Variants in BARX2 observed in about 807,000 individuals in gnomAD.
The protein encoded by BARX2 is BARX homeobox 2, also known as homeobox protein BarH-like 2.
BARX2 carries 11 observed loss-of-function variants against 25.5 expected under a neutral mutation model. The ratio of observed to expected loss-of-function variants is 0.43; its 90% CI spans 0.27 to 0.71. The LOEUF is 0.71. Among genes scored for constraint, BARX2 ranks in the 30% least tolerant of loss-of-function variants. The probability of loss-of-function intolerance (pLI) is 0.19; values close to 1 mark genes in which losing one functional copy is unlikely to be tolerated. For synonymous variants in BARX2, 137 were observed against 149.5 expected, an observed-to-expected ratio of 0.92 and a Z score of 0.61; for missense variants, 360 against 359.9, an observed-to-expected ratio of 1.00 and a Z score of 0.00.
chr11:129,428,907 G>C (rs1000387439), intron 1 of BARX2, among the ~76,000 whole-genome samples: 1 of 152,140 alleles, frequency 6.6e-6, no homozygotes, highest in Non-Finnish European at 1.5e-5. Flanking sequence ...TACACTCTTA[G>C]AGCGGAATTT....
chr11:129,388,069 G>C (rs1423845903), intron 1 of BARX2, among the ~76,000 whole-genome samples: 2 of 149,446 alleles, frequency 1.3e-5, no homozygotes, highest in Admixed American at 6.8e-5. Context: ...GAACATGTCT[G>C]TCTCATTACA....
chr11:129,411,231 C>T (rs1425054179), intron 1 of BARX2, among the ~76,000 whole-genome samples: 3 of 152,072 alleles, frequency 2.0e-5, no homozygotes, highest in Non-Finnish European at 4.4e-5. Flanking sequence ...ATTAGCCGGG[C>T]GTGGTGGCAG....
intron 1 of BARX2, among the ~76,000 whole-genome samples, chr11:129,433,567 C>G (rs919744779): frequency 6.6e-6 from 1 of 152,216 alleles, no homozygotes; most frequent in African/African-American, 2.4e-5. Context: ...GACTTCTGCC[C>G]TTGCCTACTC....
At chr11:129,383,700 A>C (rs1591425902) in intron 1 of BARX2, among the ~76,000 whole-genome samples, 1 of 152,190 alleles carries the variant, frequency 6.6e-6, no homozygotes, top group South Asian at 2.1e-4. Flanking sequence ...TCAAAAGACG[A>C]CTGAAGAGAA....
At chr11:129,437,850 G>T (rs1230171624) in intron 2 of BARX2, 2 of 151,974 alleles carry the variant, frequency 1.3e-5, no homozygotes, top group African/African-American at 4.8e-5. Flanking sequence ...AACGTTGTGA[G>T]ACCCCGTCTC....
chr11:129,398,433 C>T (rs1861743943), intron 1 of BARX2, among the ~76,000 whole-genome samples: 1 of 152,168 alleles, frequency 6.6e-6, no homozygotes, highest in Non-Finnish European at 1.5e-5. Context: ...ACAGAGATAT[C>T]ATGCTAATTG....
chr11:129,449,620 G>T (rs1163720827), intron 3 of BARX2, among the ~76,000 whole-genome samples: 1 of 152,134 alleles, frequency 6.6e-6, no homozygotes, highest in Non-Finnish European at 1.5e-5. Flanking sequence ...TGGGACTCTT[G>T]TGTGGGTCAC....
At chr11:129,408,544 G>C (rs1457031696) in intron 1 of BARX2, among the ~76,000 whole-genome samples, 1 of 152,108 alleles carries the variant, frequency 6.6e-6, no homozygotes, top group Non-Finnish European at 1.5e-5. Context: ...CCTCTTTGCT[G>C]TTCCTAGAAC....
In BARX2 at chr11:129,451,387, C is replaced by A; in HGVS notation, c.825C>A (p.Pro275=). The change falls in exon 4 of 4, where the codon CCC becomes CCA. Residue 275 remains proline (P), a synonymous_variant. Transcript: ENST00000281437. The part of the protein sequence containing the change: ...PQELPIPSSE[P]PPLS Reference sequence around the variant, plus strand: ...AGTTGCCAATACCCTCTTCGGAACCCCCACCATTAAGCTAAAGTAAAACCC... The same window carrying A: ...AGTTGCCAATACCCTCTTCGGAACCACCACCATTAAGCTAAAGTAAAACCC... 1 of 1,613,440 alleles carries A rather than the reference C, an allele frequency of 6.2e-7. No homozygotes were observed. The highest frequency in any genetic ancestry group is 8.5e-7 in the Non-Finnish European group (1 of 1,179,456).
intron 1 of BARX2, among the ~76,000 whole-genome samples, chr11:129,383,283 C>T (rs1449401098): frequency 6.6e-6 from 1 of 152,172 alleles, no homozygotes; most frequent in Non-Finnish European, 1.5e-5. Flanking sequence ...TCTAATTACT[C>T]ATCATCACCA....
At chr11:129,391,103 G>A (rs1322707316) in intron 1 of BARX2, among the ~76,000 whole-genome samples, 1 of 152,094 alleles carries the variant, frequency 6.6e-6, no homozygotes, top group African/African-American at 2.4e-5. Flanking sequence ...CTGCTTTTCG[G>A]GAGGGACTCC....
intron 1 of BARX2, among the ~76,000 whole-genome samples, chr11:129,389,224 A>G (rs990288259): frequency 2.0e-5 from 3 of 152,246 alleles, no homozygotes; most frequent in Non-Finnish European, 1.5e-5. Context: ...ATTAAAAATA[A>G]TTATCTTACA....
intron 2 of BARX2, among the ~76,000 whole-genome samples, chr11:129,440,293 G>C (rs1862241609): frequency 6.6e-6 from 1 of 152,234 alleles, no homozygotes; most frequent in African/African-American, 2.4e-5. Context: ...TTTCCCAAGT[G>C]AGCTAACACT....
At chr11:129,399,790 A>C (rs1332458418) in intron 1 of BARX2, among the ~76,000 whole-genome samples, 2 of 152,174 alleles carry the variant, frequency 1.3e-5, no homozygotes, top group Non-Finnish European at 2.9e-5. Flanking sequence ...GTAGTAACTT[A>C]CAAGTCATTG....
At chr11:129,447,658 G>A (rs1437064191) in intron 3 of BARX2, among the ~76,000 whole-genome samples, 1 of 152,144 alleles carries the variant, frequency 6.6e-6, no homozygotes, top group African/African-American at 2.4e-5. Context: ...TTTAGAAAAT[G>A]GTCTAATTGT....
chr11:129,398,104 T>A (rs1443091874), intron 1 of BARX2, among the ~76,000 whole-genome samples: 1 of 152,248 alleles, frequency 6.6e-6, no homozygotes, highest in East Asian at 1.9e-4. Context: ...TGAACCTGTG[T>A]AAACTCAACC....
intron 1 of BARX2, among the ~76,000 whole-genome samples, chr11:129,421,071 C>T (rs907883247): frequency 4.0e-4 from 61 of 152,110 alleles, no homozygotes; most frequent in African/African-American, 1.4e-3. Context: ...GATTTGGCTC[C>T]GTGCAAGGGA....
chr11:129,404,183 A>G (rs1861806005), intron 1 of BARX2, among the ~76,000 whole-genome samples: 1 of 152,238 alleles, frequency 6.6e-6, no homozygotes, highest in Admixed American at 6.5e-5. Context: ...CTACACAGCC[A>G]TTTTGGTCAC....
At position 129,451,279 on chromosome 11, in the gene BARX2, G is replaced by T. The variant is rs1202812905; in HGVS notation, c.717G>T (p.Gly239=). 1 of 1,614,180 alleles carries T rather than the reference G, an allele frequency of 6.2e-7. No individual in the cohort carries two copies. Among genetic ancestry groups the T allele is most frequent in the East Asian group, 2.2e-5 (1 of 44,876 alleles). ...AGGAGCAGCTGGAGCCCTCTCAGGG[G>T]CAGGAGGAGCTCTGTGAAGCACAGG... ...QGQEQLEPSQ[G]QEELCEAQEP... The change falls in exon 4 of 4, where the codon GGG becomes GGT. Residue 239 remains glycine (G), a synonymous_variant. Coordinates refer to ENST00000281437, the MANE Select transcript of BARX2 (RefSeq NM_003658.5).
Sources: allele counts gnomAD v4.1 joint callset (sites outside exome capture counted in the v4.1 genomes callset), GRCh38; gene constraint gnomAD v4.1.1; transcripts MANE v1.5; gene names NCBI Gene and HGNC (gene_info 2026-07-23, HGNC 2026-07-21).